MPV17: variants seen among roughly 807,000 people sequenced by gnomAD.
MPV17 encodes the protein mitochondrial inner membrane protein MPV17, also known as MPV17, mitochondrial inner membrane protein.
MPV17 carries 31 observed loss-of-function variants against 28.6 expected under a neutral mutation model. That is an observed-to-expected ratio of 1.08 (90% CI 0.81 to 1.46). The LOEUF is 1.46. Among genes scored for constraint, MPV17 ranks in the 40% most tolerant of loss-of-function variants. The pLI, the probability that MPV17 is intolerant of heterozygous loss-of-function variation, is 0.00. For missense variants in MPV17, 198 were observed against 216.2 expected (o/e 0.92, Z 0.53); for synonymous variants, 87 against 85.3 (o/e 1.02, Z -0.11).
rs1222270093 is a variant in MPV17, at chr2:27,309,766, G to A, written c.*146C>T. ...GTCAGTGTACATTTTAGAGTGAAGA[G>A]GGGCATTGCAGGGTGCTAGTCCTCT... On this transcript the variant is annotated 3_prime_UTR_variant, in exon 8 of 8. Coordinates refer to ENST00000380044, the MANE Select transcript of MPV17 (RefSeq NM_002437.5). 4.2e-6 allele frequency: 3 copies of A among 712,178 alleles called. No homozygotes were observed. Among genetic ancestry groups the A allele is most frequent in the East Asian group, 2.7e-5 (1 of 37,352 alleles). The allele number at this position is 712,178 out of a possible 1,614,324, so 44.1% of individuals were successfully genotyped here.
chr2:27,320,300 C>T lies in MPV17; in HGVS notation c.70+2148G>A, dbSNP rs76732738. Among the ~76,000 whole-genome samples the T allele has an allele frequency of 1.4e-4, 21 of 151,470 alleles. No homozygotes were observed. The East Asian group carries it at 4.1e-3, about 29-fold the overall frequency. On this transcript the variant is annotated intron_variant, in intron 2 of 7. Transcript: ENST00000380044. ...TCACAGTGATACTCCTATACTGACCCTGTGAGGTCATATAACTAAACTCAA... is the reference window on the plus strand; with the variant it reads ...TCACAGTGATACTCCTATACTGACCTTGTGAGGTCATATAACTAAACTCAA...
rs1679356053 is a variant in MPV17 at position 27,309,745 on chromosome 2, G to A, written c.*167C>T. Reference sequence around the variant, plus strand: ...ATTATCAAGGGCTCTAAAGCAGTCAGTGTACATTTTAGAGTGAAGAGGGGC... The same window carrying A: ...ATTATCAAGGGCTCTAAAGCAGTCAATGTACATTTTAGAGTGAAGAGGGGC... On this transcript the variant is annotated 3_prime_UTR_variant, in exon 8 of 8. Transcript: ENST00000380044. 1.4e-6 allele frequency: 1 copy of A among 694,676 alleles called. No individual in the cohort carries two copies. The highest frequency in any genetic ancestry group is 1.6e-5 in the South Asian group (1 of 64,026). 43.0% of individuals were successfully genotyped at this position (694,676 alleles called of 1,614,324 possible).
At chr2:27,316,235 A>G in intron 2 of MPV17, 1 of 1,546,626 alleles carries the variant, frequency 6.5e-7, no homozygotes, top group Non-Finnish European at 8.7e-7. Context: ...ATGACTTGCC[A>G]ACAGTCACAC....
Position 27,311,900 on chromosome 2 carries a change from T to C in MPV17, c.460A>G (p.Arg154Gly). 6.2e-7 allele frequency: 1 copy of C among 1,613,694 alleles called. No homozygotes were observed. Among genetic ancestry groups the C allele is most frequent in the South Asian group, 1.1e-5 (1 of 90,864 alleles). ...GGGTGGGGTAGGGGTGCAACATACC[T>C]GTAATGAAGGGGGACCAGGTAGAAG... is the stretch of plus-strand genomic sequence containing the variant. Reference protein sequence around the residue: ...ANFYLVPLHYRLAVVQCVAVI... With the variant: ...ANFYLVPLHYGLAVVQCVAVI... Residue 154 changes from arginine (R) to glycine (G), a missense_variant and splice_region_variant, in exon 7 of 8, where the codon AGG becomes GGG. Arg to Gly is a moderately radical substitution (Grantham distance 125). Transcript: ENST00000380044.
At chr2:27,316,226 T>A (rs1464583566) in intron 2 of MPV17, 2 of 1,549,344 alleles carry the variant, frequency 1.3e-6, no homozygotes, top group Non-Finnish European at 1.7e-6. Context: ...TCACTCTTCA[T>A]GACTTGCCAA....
At chr2:27,311,355 C>G in intron 7 of MPV17, 1 of 537,522 alleles carries the variant, frequency 1.9e-6, no homozygotes, top group Non-Finnish European at 3.3e-6. Context: ...GCCACCGTGC[C>G]CAGCCAGTCT....
rs200303357 is a variant in MPV17, at chr2:27,322,520, T to C, written c.-3A>G. On this transcript the variant is annotated splice_region_variant and 5_prime_UTR_variant, in exon 2 of 8. Coordinates refer to ENST00000380044, the MANE Select transcript of MPV17 (RefSeq NM_002437.5). Reference sequence around the variant, plus strand: ...TGGTATGCCCGCCAGAGTGCCATGCTTCCTGTCAAGCCAAGAGGAGAGGGG... The same window carrying C: ...TGGTATGCCCGCCAGAGTGCCATGCCTCCTGTCAAGCCAAGAGGAGAGGGG... 2.9e-5 allele frequency: 47 copies of C among 1,613,944 alleles called. No individual in the cohort carries two copies. In the East Asian group the frequency reaches 8.7e-4, roughly 30 times the overall value.
intron 2 of MPV17, among the ~76,000 whole-genome samples, chr2:27,319,084 A>G (rs1679762471): frequency 6.6e-6 from 1 of 152,052 alleles, no homozygotes; most frequent in African/African-American, 2.4e-5. Context: ...AGTATTTCAA[A>G]AAGTTTCTCA....
rs899250681 is a variant in MPV17 at position 27,317,059 on chromosome 2, A to G, written c.71-3950T>C. 2 of 1,540,090 alleles carry G rather than the reference A, an allele frequency of 1.3e-6. No individual in the cohort carries two copies. Among genetic ancestry groups the G allele is most frequent in the African/African-American group, 2.8e-5 (2 of 72,596 alleles). On this transcript the variant is annotated intron_variant, in intron 2 of 7. Transcript: ENST00000380044. The surrounding 1 kb of genome is among the most constrained non-coding windows in gnomAD (Gnocchi z 4.0). ...GCAGGGTAAATTCCCTACTTCTCCT[A>G]TTTTGTTCCTCTACTTACTTTTGTG...
rs751911885 is a variant in MPV17, at chr2:27,311,880, G to A, written c.461+19C>T. 2 of 1,612,990 alleles carry A rather than the reference G, an allele frequency of 1.2e-6. No individual in the cohort carries two copies. Among genetic ancestry groups the A allele is most frequent in the South Asian group, 2.2e-5 (2 of 90,756 alleles). The stretch of plus-strand genomic sequence containing the variant: ...TAACGTGGGTCTTCCTTGATGGGTG[G>A]GGTAGGGGTGCAACATACCTGTAAT... On this transcript the variant is annotated intron_variant, in intron 7 of 7. Transcript: ENST00000380044.
Position 27,320,342 on chromosome 2 carries a change from A to ATT in MPV17, c.70+2104_70+2105dup, listed in dbSNP as rs145680464. Among the ~76,000 whole-genome samples the ATT allele has an allele frequency of 1.1e-3, 157 of 145,194 alleles. 1 individual carries two copies. Among genetic ancestry groups the ATT allele is most frequent in the Middle Eastern group, 3.6e-3 (1 of 276 alleles). On this transcript the variant is annotated intron_variant, in intron 2 of 7. Coordinates refer to ENST00000380044, the MANE Select transcript of MPV17 (RefSeq NM_002437.5). ...TAAACTCAAGATTTTTTTTTTGTTGATTTTTTTTTTTGAGATGGAGTTTCG... is the reference window on the plus strand; with the variant it reads ...TAAACTCAAGATTTTTTTTTTGTTGATTTTTTTTTTTTTGAGATGGAGTTTCG...
rs980207020 is a variant in MPV17, at chr2:27,312,586, C to T, written c.283G>A (p.Gly95Ser). 6 of 1,613,956 alleles carry T rather than the reference C, an allele frequency of 3.7e-6. No homozygotes were observed. In the Admixed American group the frequency reaches 8.3e-5, roughly 22 times the overall value. Residue 95 changes from glycine (G) to serine (S), a missense_variant, in exon 5 of 8, where the codon GGC (glycine) becomes AGC (serine). By Grantham distance (56) the Gly-to-Ser change is moderately conservative. Transcript: ENST00000380044. ...ALKKMLLDQG[G>S]FAPCFLGCFL... Reference sequence around the variant, plus strand: ...CAGCCTAGAAAACACGGGGCAAAGCCCCCCTAGGGAAGAGAAATTAAAGTC... The same window carrying T: ...CAGCCTAGAAAACACGGGGCAAAGCTCCCCTAGGGAAGAGAAATTAAAGTC...
chr2:27,312,766 C>T lies in MPV17; in HGVS notation c.193G>A (p.Val65Met), dbSNP rs753265816. 1.9e-6 allele frequency: 3 copies of T among 1,613,988 alleles called. No individual in the cohort carries two copies. The highest frequency in any genetic ancestry group is 2.7e-5 in the African/African-American group (2 of 74,944). Residue 65 changes from valine (V) to methionine (M), a missense_variant, in exon 4 of 8, where the codon GTG becomes ATG. By Grantham distance (21) the Val-to-Met change is conservative. Coordinates refer to ENST00000380044, the MANE Select transcript of MPV17 (RefSeq NM_002437.5). Reference sequence around the variant, plus strand: ...AAAACCTTGTACCAGCCTCCTACCACAGGGCCCTGGAAGTAAACCCCAGAT... The same window carrying T: ...AAAACCTTGTACCAGCCTCCTACCATAGGGCCCTGGAAGTAAACCCCAGAT... Reference protein sequence around the residue: ...VSLGCGFVGPVVGGWYKVLDR... With the variant: ...VSLGCGFVGPMVGGWYKVLDR...
chr2:27,315,189 G>A (rs549151600), intron 2 of MPV17, among the ~76,000 whole-genome samples: 18 of 152,354 alleles, frequency 1.2e-4, no homozygotes, highest in African/African-American at 3.4e-4. Context: ...AAGGGAAAAC[G>A]TCAAATGTAC....
intron 7 of MPV17, among the ~76,000 whole-genome samples, chr2:27,310,775 C>T (rs1041862254): frequency 6.6e-5 from 10 of 152,018 alleles, no homozygotes; most frequent in African/African-American, 1.9e-4. Context: ...GACGGAGTCT[C>T]GCTCTGTTGC....
chr2:27,309,660 A>G lies in MPV17; in HGVS notation c.*252T>C. 1 of 606,414 alleles carries G rather than the reference A, an allele frequency of 1.6e-6. No homozygotes were observed. Among genetic ancestry groups the G allele is most frequent in the Non-Finnish European group, 3.0e-6 (1 of 337,618 alleles). 37.6% of individuals were successfully genotyped at this position (606,414 alleles called of 1,614,324 possible). Reference sequence around the variant, plus strand: ...GCTGGGATATGGGTGTAAAGTTGATAAGGTCATGAAGGTTCAACAGATATT... The same window carrying G: ...GCTGGGATATGGGTGTAAAGTTGATGAGGTCATGAAGGTTCAACAGATATT... On this transcript the variant is annotated 3_prime_UTR_variant, in exon 8 of 8. Transcript: ENST00000380044.
At chr2:27,321,924 C>T (rs1199019606) in intron 2 of MPV17, 2 of 156,404 alleles carry the variant, frequency 1.3e-5, no homozygotes, top group Admixed American at 1.2e-4. Flanking sequence ...ATTACTGACA[C>T]AGGAGTGTTC....
At chr2:27,313,446 A>C in intron 2 of MPV17, 1 of 573,650 alleles carries the variant, frequency 1.7e-6, no homozygotes, top group Non-Finnish European at 3.1e-6. Flanking sequence ...GTCAGAATCA[A>C]AAGGGGCTTT....
intron 2 of MPV17, among the ~76,000 whole-genome samples, chr2:27,318,669 T>C (rs1054425780): frequency 6.6e-6 from 1 of 152,160 alleles, no homozygotes; most frequent in African/African-American, 2.4e-5. Context: ...TTGGAATCTT[T>C]GACCATTGTG....
Sources: allele counts gnomAD v4.1 joint callset (sites outside exome capture counted in the v4.1 genomes callset), GRCh38; gene constraint gnomAD v4.1.1; non-coding constraint Gnocchi (gnomAD v3.1); transcripts MANE v1.5; gene names NCBI Gene and HGNC (gene_info 2026-07-23, HGNC 2026-07-21).